Variants in CRYBG3 observed in about 807,000 individuals in gnomAD.
CRYBG3 encodes the protein crystallin beta-gamma domain containing 3.
CRYBG3 carries 127 observed loss-of-function variants against 244.2 expected under a neutral mutation model. The observed-to-expected ratio is 0.52, with a 90% confidence interval of 0.45 to 0.60. CRYBG3 has a LOEUF of 0.60. Among genes scored for constraint, CRYBG3 ranks in the 20% least tolerant of loss-of-function variants. The pLI is 0.00. For synonymous variants in CRYBG3, 1,132 were observed against 1,195.8 expected (o/e 0.95, Z 1.10); for missense variants, 3,325 against 3,442.5 (o/e 0.97, Z 0.85).
intron 1 of CRYBG3, among the ~76,000 whole-genome samples, chr3:97,824,333 C>G (rs2038550406): frequency 6.6e-6 from 1 of 152,120 alleles, no homozygotes; most frequent in Non-Finnish European, 1.5e-5. Flanking sequence ...GGCATAAAAA[C>G]TTTTATCATT....
At chr3:97,895,911 G>T in intron 11 of CRYBG3, 48 bp from the exon 12 acceptor site, 1 of 1,583,766 alleles carries the variant, frequency 6.3e-7, no homozygotes, top group South Asian at 1.1e-5. Context: ...TTGCTTTCTT[G>T]ACTACAGTTT....
chr3:97,893,128 A>T, intron 11 of CRYBG3, 135 bp downstream of exon 11: 1 of 734,130 alleles, frequency 1.4e-6, no homozygotes, highest in South Asian at 1.9e-5. Flanking sequence ...GAAAGTAAAA[A>T]ATATTAGTTA....
intron 19 of CRYBG3, among the ~76,000 whole-genome samples, chr3:97,940,899 CTT>C (rs1380717921): frequency 3.3e-5 from 5 of 152,030 alleles, no homozygotes; most frequent in Admixed American, 6.6e-5. Flanking sequence ...GTGAAAGAAA[CTT>C]TTACTTCATG....
At chr3:97,822,380 G>A (rs752781314) in intron 1 of CRYBG3, 25 bp downstream of exon 1, 3 of 1,486,336 alleles carry the variant, frequency 2.0e-6, no homozygotes, top group Non-Finnish European at 2.7e-6. Flanking sequence ...GGGGGTCGCG[G>A]GGGGGCCCTG....
intron 7 of CRYBG3, among the ~76,000 whole-genome samples, chr3:97,881,879 T>C (rs908565780): frequency 6.7e-6 from 1 of 148,784 alleles, no homozygotes; most frequent in Non-Finnish European, 1.5e-5. Flanking sequence ...ATTAGTATGC[T>C]ACTGCTCCTA....
chr3:97,926,166 C>G (rs770637433), intron 17 of CRYBG3, among the ~76,000 whole-genome samples: 1 of 151,978 alleles, frequency 6.6e-6, no homozygotes, highest in African/African-American at 2.4e-5. Flanking sequence ...TGCAAAAATC[C>G]TCAACAAAGT....
In CRYBG3 at chr3:97,876,324, T is replaced by C. The variant is rs537195329; in HGVS notation, c.5130T>C (p.Val1710=). The change falls in exon 4 of 22, where the codon GTT becomes GTC. Residue 1710 remains valine, a synonymous_variant. Transcript: ENST00000389622. ...GISEKAEVIP[V]TLAMENTYQK... Reference sequence around the variant, plus strand: ...GTGAAAAGGCTGAAGTGATACCCGTTACATTAGCAATGGAAAATACTTACC... The same window carrying C: ...GTGAAAAGGCTGAAGTGATACCCGTCACATTAGCAATGGAAAATACTTACC... 13 of 1,231,750 alleles carry C rather than the reference T, an allele frequency of 1.1e-5. No homozygotes were observed. In the South Asian group the frequency reaches 3.7e-4, roughly 35 times the overall value. 76.3% of individuals were successfully genotyped at this position (1,231,750 alleles called of 1,614,324 possible). A position where few individuals can be genotyped will look rare whatever the true frequency, so the allele number is the denominator to read the frequency against.
At position 97,874,773 on chromosome 3, in the gene CRYBG3, A is replaced by T. The variant is rs553715878; in HGVS notation, c.3579A>T (p.Lys1193Asn). 1.2e-5 allele frequency: 19 copies of T among 1,536,054 alleles called. No homozygotes were observed. The East Asian group carries it at 3.7e-4, about 30-fold the overall frequency. ...CACATGACCAACTTTTGGACCTCAAAAGTAGTTTACTCAAAAAGGCCGATA... is the reference window on the plus strand; with the variant it reads ...CACATGACCAACTTTTGGACCTCAATAGTAGTTTACTCAAAAAGGCCGATA... ...RRAHDQLLDL[K>N]SSLLKKADTL... The change falls in exon 4 of 22, where the codon AAA becomes AAT. Residue 1193 changes from lysine (K) to asparagine (N), a missense_variant. By Grantham distance (94) the Lys-to-Asn change is moderately conservative (BLOSUM62 0). Coordinates refer to ENST00000389622, the MANE Select transcript of CRYBG3 (RefSeq NM_153605.4).
intron 2 of CRYBG3, among the ~76,000 whole-genome samples, chr3:97,847,561 C>A (rs1203487294): frequency 6.6e-6 from 1 of 152,160 alleles, no homozygotes; most frequent in Non-Finnish European, 1.5e-5. Flanking sequence ...AAAAGAAATC[C>A]TATTAAAACA....
chr3:97,875,047 G>A lies in CRYBG3; in HGVS notation c.3853G>A (p.Glu1285Lys). 6.5e-7 allele frequency: 1 copy of A among 1,534,754 alleles called. No homozygotes were observed. Among genetic ancestry groups the A allele is most frequent in the Non-Finnish European group, 8.7e-7 (1 of 1,146,452 alleles). ...GCCCTGTGTTTCACCAACAGTTGGT[G>A]AGAAGAATCTTCTTGTTGATCCTAA... ...EKPCVSPTVG[E>K]KNLLVDPNSM... The change falls in exon 4 of 22, where the codon GAG (glutamate) becomes AAG (lysine). Residue 1285 changes from glutamate to lysine, a missense_variant. By Grantham distance (56) the Glu-to-Lys change is moderately conservative. This residue lies in a region of CRYBG3 where 635 missense variants were observed against 771.7 expected (regional missense o/e 0.82). Coordinates refer to ENST00000389622, the MANE Select transcript of CRYBG3 (RefSeq NM_153605.4).
rs1402500007 is a variant in CRYBG3 at position 97,877,843 on chromosome 3, A to T, written c.6649A>T (p.Thr2217Ser). 1.2e-6 allele frequency: 2 copies of T among 1,614,000 alleles called. No homozygotes were observed. Among genetic ancestry groups the T allele is most frequent in the Admixed American group, 3.3e-5 (2 of 60,002 alleles). Residue 2217 changes from threonine to serine, a missense_variant, in exon 4 of 22, where the codon ACC becomes TCC. Coordinates refer to ENST00000389622, the MANE Select transcript of CRYBG3 (RefSeq NM_153605.4). ...GCAAGTTGGTCTGTGGCCAGAAAAG[A>T]CCTCGTTTCTCCAGAAATCTGACCT... ...NLQVGLWPEKTSFLQKSDLTS... is the reference protein window; with the variant it reads ...NLQVGLWPEKSSFLQKSDLTS...
At chr3:97,845,372 T>C (rs931351154) in intron 2 of CRYBG3, among the ~76,000 whole-genome samples, 1 of 152,236 alleles carries the variant, frequency 6.6e-6, no homozygotes. Context: ...TTGGACATCA[T>C]TAAATTTTTT....
chr3:97,858,295 T>C (rs1295736170), intron 2 of CRYBG3, among the ~76,000 whole-genome samples: 1 of 152,000 alleles, frequency 6.6e-6, no homozygotes, highest in Non-Finnish European at 1.5e-5. Flanking sequence ...CATTTTTCTC[T>C]ATTTTTAGAA....
In CRYBG3 at chr3:97,873,680, A is replaced by G; in HGVS notation, c.2486A>G (p.His829Arg). The G allele has an allele frequency of 1.3e-6, 2 of 1,535,838 alleles. No individual in the cohort carries two copies. Among genetic ancestry groups the G allele is most frequent in the Non-Finnish European group, 1.7e-6 (2 of 1,146,806 alleles). The change falls in exon 4 of 22, where the codon CAT becomes CGT. Residue 829 changes from histidine (H) to arginine (R), a missense_variant. Around this residue, in one of 4 missense-constraint regions of CRYBG3, gnomAD observed 1,526 missense variants for 1,443.2 expected, o/e 1.06. Transcript: ENST00000389622. Reference protein sequence around the residue: ...DGQNNVLVESHSGRGKTISLS... With the variant: ...DGQNNVLVESRSGRGKTISLS... The stretch of plus-strand genomic sequence containing the variant: ...CAGAACAATGTTCTTGTGGAGTCAC[A>G]TTCTGGAAGAGGAAAAACTATATCC...
At position 97,871,995 on chromosome 3, in the gene CRYBG3, A is replaced by C; in HGVS notation, c.801A>C (p.Arg267Ser). ...ENESSDSSTN[R>S]HIDPGSEIEA... ...AAAGTTCTGACTCTAGTACAAACAG[A>C]CACATTGACCCTGGAAGTGAGATTG... The change falls in exon 4 of 22, where the codon AGA becomes AGC. Residue 267 changes from arginine (R) to serine (S), a missense_variant. Transcript: ENST00000389622. The C allele has an allele frequency of 2.6e-6, 4 of 1,535,908 alleles. No homozygotes were observed. The highest frequency in any genetic ancestry group is 3.5e-6 in the Non-Finnish European group (4 of 1,146,760).
intron 15 of CRYBG3, among the ~76,000 whole-genome samples, chr3:97,910,420 T>TC: frequency 6.6e-6 from 1 of 150,474 alleles, no homozygotes; most frequent in East Asian, 1.9e-4. Flanking sequence ...CGTAGGACCC[T>TC]CCGAGCCAGG....
chr3:97,842,354 G>C (rs2108170745), intron 1 of CRYBG3, among the ~76,000 whole-genome samples: 1 of 152,226 alleles, frequency 6.6e-6, no homozygotes, highest in South Asian at 2.1e-4. Flanking sequence ...CTTAAGGCCA[G>C]GAGTTCAAGA....
chr3:97,833,655 C>T (rs894040252), intron 1 of CRYBG3, among the ~76,000 whole-genome samples: 6 of 152,000 alleles, frequency 3.9e-5, no homozygotes, highest in East Asian at 1.9e-4. Flanking sequence ...CACCATGGCA[C>T]GTGTACACCT....
At chr3:97,824,443 G>T (rs1368039992) in intron 1 of CRYBG3, among the ~76,000 whole-genome samples, 1 of 152,122 alleles carries the variant, frequency 6.6e-6, no homozygotes, top group African/African-American at 2.4e-5. Context: ...CGTAAAAGTC[G>T]AATTTACAAC....
Sources: allele counts gnomAD v4.1 joint callset (sites outside exome capture counted in the v4.1 genomes callset), GRCh38; gene constraint gnomAD v4.1.1; regional missense constraint gnomAD v4.1.1; transcripts MANE v1.5; gene names NCBI Gene and HGNC (gene_info 2026-07-23, HGNC 2026-07-21).